KCNQ5: variants seen among roughly 807,000 people sequenced by gnomAD.
The protein encoded by KCNQ5 is potassium voltage-gated channel subfamily KQT member 5.
Under a neutral mutation model 98.2 loss-of-function variants are expected in KCNQ5, and 30 were observed. That is an observed-to-expected ratio of 0.31 (90% CI 0.23 to 0.41). The LOEUF (loss-of-function observed/expected upper bound fraction) is 0.41. Ranked by LOEUF, KCNQ5 falls within the 10% of genes least tolerant of loss-of-function variation. The pLI is 1.00. For synonymous variants in KCNQ5, 458 were observed against 449.4 expected (o/e 1.02, Z -0.24); for missense variants, 835 against 1,182.5 (o/e 0.71, Z 4.31).
intron 1 of KCNQ5, chr6:72,987,428 C>A: frequency 1.4e-6 from 1 of 691,046 alleles, no homozygotes; most frequent in East Asian, 3.1e-5. Flanking sequence ...CCTAGTTTGG[C>A]CAGTGGGATA....
At chr6:72,867,491 A>G (rs1778034915) in intron 1 of KCNQ5, among the ~76,000 whole-genome samples, 1 of 152,232 alleles carries the variant, frequency 6.6e-6, no homozygotes, top group South Asian at 2.1e-4. Context: ...ACTTGAAGAA[A>G]AATACAGATA....
intron 1 of KCNQ5, among the ~76,000 whole-genome samples, chr6:72,852,536 A>C (rs1777304639): frequency 6.7e-6 from 1 of 149,752 alleles, no homozygotes. Context: ...ACATGCTCTC[A>C]CTCATATATC....
At chr6:72,927,319 T>C (rs1056109838) in intron 1 of KCNQ5, among the ~76,000 whole-genome samples, 2 of 152,078 alleles carry the variant, frequency 1.3e-5, no homozygotes, top group South Asian at 4.1e-4. Flanking sequence ...AAGCTTCAAA[T>C]TTTTTTCAGA....
chr6:72,674,881 C>T (rs1767331108), intron 1 of KCNQ5, among the ~76,000 whole-genome samples: 1 of 152,144 alleles, frequency 6.6e-6, no homozygotes, highest in African/African-American at 2.4e-5. Flanking sequence ...TTTTGATCTT[C>T]CACTTCAGAG....
chr6:72,987,344 A>T, intron 1 of KCNQ5: 1 of 711,540 alleles, frequency 1.4e-6, no homozygotes, highest in East Asian at 3.0e-5. Context: ...AGGTGAGGCG[A>T]AAGGCCTTGC....
chr6:73,162,309 G>C lies in KCNQ5; in HGVS notation c.1469-7437G>C, dbSNP rs143741900. Reference sequence around the variant, plus strand: ...TGCTAATCAATAGGAAACAGGAAAGGCTTGGGGAAGATAAACAGTTGTATT... The same window carrying C: ...TGCTAATCAATAGGAAACAGGAAAGCCTTGGGGAAGATAAACAGTTGTATT... On this transcript the variant is annotated intron_variant, in intron 10 of 13. Coordinates refer to ENST00000370398, the MANE Select transcript of KCNQ5 (RefSeq NM_019842.4). Among the ~76,000 whole-genome samples, 109 of 152,254 alleles carry C rather than the reference G, an allele frequency of 7.2e-4. 1 individual carries two copies. Among genetic ancestry groups the C allele is most frequent in the African/African-American group, 2.6e-3 (107 of 41,540 alleles).
At chr6:73,085,693 G>A (rs1272439911) in intron 5 of KCNQ5, among the ~76,000 whole-genome samples, 1 of 152,158 alleles carries the variant, frequency 6.6e-6, no homozygotes, top group Non-Finnish European at 1.5e-5. Flanking sequence ...CCCTGTAAGA[G>A]AAAGGGGCAA....
At chr6:72,880,147 C>T (rs533405759) in intron 1 of KCNQ5, among the ~76,000 whole-genome samples, 5 of 152,158 alleles carry the variant, frequency 3.3e-5, no homozygotes, top group African/African-American at 9.6e-5. Flanking sequence ...TAGAAAAATT[C>T]GAAAGAACTT....
At position 72,744,146 on chromosome 6, in the gene KCNQ5, A is replaced by T. The variant is rs140777854; in HGVS notation, c.398+121559A>T. 8.4e-4 allele frequency among the ~76,000 whole-genome samples: 128 copies of T among 152,312 alleles called. 1 individual carries two copies. In the East Asian group the frequency reaches 0.02, roughly 24 times the overall value. Reference sequence around the variant, plus strand: ...CACTCTGTTGGCCAAAGTAAGTCACATGGCCACACAGGTAAGCTCAGAGTA... The same window carrying T: ...CACTCTGTTGGCCAAAGTAAGTCACTTGGCCACACAGGTAAGCTCAGAGTA... On this transcript the variant is annotated intron_variant, in intron 1 of 13. Coordinates refer to ENST00000370398, the MANE Select transcript of KCNQ5 (RefSeq NM_019842.4).
intron 1 of KCNQ5, among the ~76,000 whole-genome samples, chr6:72,659,649 G>A (rs1766407717): frequency 6.6e-6 from 1 of 152,134 alleles, no homozygotes; most frequent in Admixed American, 6.5e-5. Context: ...GCAAAAAAGG[G>A]ATTAGGGTGC....
Position 73,198,312 on chromosome 6 carries a change from A to T in KCNQ5, c.*2898A>T, listed in dbSNP as rs1765869082. The T allele has an allele frequency of 6.6e-6, 1 of 152,216 alleles. No individual in the cohort carries two copies. The highest frequency in any genetic ancestry group is 2.4e-5 in the African/African-American group (1 of 41,452). 9.4% of individuals were successfully genotyped at this position (152,216 alleles called of 1,614,324 possible). The stretch of plus-strand genomic sequence containing the variant: ...TACATGTTTGCATTTTGTTCAACTA[A>T]ATTAATATTTGTAGATTGCAAGTTT... On this transcript the variant is annotated 3_prime_UTR_variant, in exon 14 of 14. Transcript: ENST00000370398.
intron 1 of KCNQ5, among the ~76,000 whole-genome samples, chr6:72,978,822 C>T (rs1368017133): frequency 6.6e-6 from 1 of 152,258 alleles, no homozygotes; most frequent in East Asian, 1.9e-4. Context: ...TGCTATCCCT[C>T]CCCCATCCCC....
chr6:72,872,164 C>T (rs1778236517), intron 1 of KCNQ5, among the ~76,000 whole-genome samples: 1 of 152,216 alleles, frequency 6.6e-6, no homozygotes, highest in Admixed American at 6.5e-5. Flanking sequence ...GTACCTCTCT[C>T]CCTTCCCTTT....
intron 1 of KCNQ5, among the ~76,000 whole-genome samples, chr6:72,847,890 C>T (rs138953639): frequency 3.9e-5 from 6 of 152,048 alleles, no homozygotes; most frequent in Admixed American, 6.6e-5. Context: ...TTCCTTAGAT[C>T]GGGAAAGCCA....
chr6:73,090,347 C>T (rs1458057669), intron 5 of KCNQ5, among the ~76,000 whole-genome samples: 1 of 151,954 alleles, frequency 6.6e-6, no homozygotes, highest in East Asian at 1.9e-4. Context: ...CGATTTTCTC[C>T]CACTCTGTGA....
intron 13 of KCNQ5, 63 bp downstream of exon 13, chr6:73,192,754 G>C (rs1765638704): frequency 7.3e-7 from 1 of 1,364,426 alleles, no homozygotes; most frequent in Non-Finnish European, 9.9e-7. Context: ...ATTTATTATA[G>C]GCAATTGTAT....
intron 12 of KCNQ5, among the ~76,000 whole-genome samples, chr6:73,191,885 C>CA (rs971078650): frequency 1.6e-4 from 24 of 151,962 alleles, no homozygotes; most frequent in African/African-American, 2.4e-4. Flanking sequence ...TAAACACATA[C>CA]AAAAAAAGAA....
intron 1 of KCNQ5, among the ~76,000 whole-genome samples, chr6:72,758,931 G>A (rs1772111750): frequency 6.6e-6 from 1 of 152,104 alleles, no homozygotes; most frequent in Non-Finnish European, 1.5e-5. Flanking sequence ...GGAAGAAGTG[G>A]TTATTAACAT....
intron 1 of KCNQ5, among the ~76,000 whole-genome samples, chr6:72,770,854 A>G (rs1452379951): frequency 6.6e-6 from 1 of 152,172 alleles, no homozygotes; most frequent in Non-Finnish European, 1.5e-5. Context: ...ATCAAAGTAA[A>G]TATACCACTG....
Sources: gnomAD v4.1 joint callset for allele counts (sites outside exome capture counted in the v4.1 genomes callset) on GRCh38, gnomAD v4.1.1 for gene constraint, MANE v1.5 for transcripts, NCBI Gene and HGNC (gene_info 2026-07-23, HGNC 2026-07-21) for gene names.